Variants in LARGE1 observed in about 807,000 individuals in gnomAD.
LARGE1 encodes the protein LARGE xylosyl- and glucuronyltransferase 1.
A neutral mutation model predicts 87.6 loss-of-function variants in LARGE1; 43 were observed. The ratio of observed to expected loss-of-function variants is 0.49; its 90% CI spans 0.38 to 0.63. The LOEUF (loss-of-function observed/expected upper bound fraction) is 0.63. Among genes scored for constraint, LARGE1 ranks in the 30% least tolerant of loss-of-function variants. LARGE1 has a pLI of 0.00. For missense variants in LARGE1, 802 were observed against 1,000.2 expected, an observed-to-expected ratio of 0.80 and a Z score of 2.67; for synonymous variants, 434 against 394.6, an observed-to-expected ratio of 1.10 and a Z score of -1.18.
chr22:33,712,372 C>G (rs147312780), intron 2 of LARGE1, among the ~76,000 whole-genome samples: 2 of 152,036 alleles, frequency 1.3e-5, no homozygotes, highest in African/African-American at 2.4e-5. Flanking sequence ...CAGGCAGGCA[C>G]GAGAAGACGG....
chr22:33,160,078 G>A (rs556024146), downstream of LARGE1, among the ~76,000 whole-genome samples: 1 of 152,242 alleles, frequency 6.6e-6, no homozygotes, highest in African/African-American at 2.4e-5. Context: ...TCACATAGGG[G>A]ACACAAAGTA....
chr22:33,887,351 G>C (rs2064881643), intron 1 of LARGE1, among the ~76,000 whole-genome samples: 1 of 152,194 alleles, frequency 6.6e-6, no homozygotes, highest in African/African-American at 2.4e-5. Flanking sequence ...AAGGCCAAGA[G>C]ACAGCAGGCC....
chr22:33,506,105 T>C (rs1031549377), intron 6 of LARGE1, among the ~76,000 whole-genome samples: 1 of 152,034 alleles, frequency 6.6e-6, no homozygotes, highest in Non-Finnish European at 1.5e-5. Flanking sequence ...TGAGATTAGA[T>C]CTTCCCTGAA....
At chr22:33,394,891 A>C in intron 7 of LARGE1, among the ~76,000 whole-genome samples, 1 of 152,094 alleles carries the variant, frequency 6.6e-6, no homozygotes, top group East Asian at 1.9e-4. Context: ...CCATAAGCAG[A>C]CTGCCTCTGT....
At chr22:33,535,613 T>C (rs1361001493) in intron 6 of LARGE1, among the ~76,000 whole-genome samples, 1 of 151,948 alleles carries the variant, frequency 6.6e-6, no homozygotes, top group Non-Finnish European at 1.5e-5. Flanking sequence ...TCCCTGGCTG[T>C]ATAAACTGGA....
At chr22:33,775,624 G>A (rs2085209730) in intron 1 of LARGE1, among the ~76,000 whole-genome samples, 1 of 152,134 alleles carries the variant, frequency 6.6e-6, no homozygotes, top group South Asian at 2.1e-4. Flanking sequence ...GGCTGAAGTG[G>A]GTGGATCACC....
intron 1 of LARGE1, among the ~76,000 whole-genome samples, chr22:33,763,552 T>A (rs1038016999): frequency 2.6e-5 from 4 of 152,102 alleles, no homozygotes; most frequent in Non-Finnish European, 5.9e-5. Context: ...GTCCCGTGAA[T>A]CTCTTAGGAG....
chr22:33,074,418 T>C, the LARGE1 span, among the ~76,000 whole-genome samples: 1 of 152,196 alleles, frequency 6.6e-6, no homozygotes, highest in East Asian at 1.9e-4. Context: ...CTCACGCCTG[T>C]AATCCCAGCA....
chr22:33,701,031 G>T (rs1329231545), intron 2 of LARGE1, among the ~76,000 whole-genome samples: 3 of 152,160 alleles, frequency 2.0e-5, no homozygotes, highest in African/African-American at 7.2e-5. Flanking sequence ...TTGTTAAAAT[G>T]CGGGCTCTGA....
intron 2 of LARGE1, among the ~76,000 whole-genome samples, chr22:33,681,553 G>A (rs2081772614): frequency 1.3e-5 from 2 of 152,068 alleles, no homozygotes; most frequent in South Asian, 4.2e-4. Flanking sequence ...AACAGTACCT[G>A]GCACATGAGA....
chr22:33,203,137 G>A (rs982422122), intron 11 of LARGE1, among the ~76,000 whole-genome samples: 2 of 146,556 alleles, frequency 1.4e-5, no homozygotes, highest in African/African-American at 5.0e-5. Context: ...AAGAGAGAAT[G>A]AGAGAGAAAG....
chr22:33,127,568 G>A, the LARGE1 span, among the ~76,000 whole-genome samples: 9,030 of 152,206 alleles, frequency 0.059, 363 homozygotes, highest in Non-Finnish European at 0.087. Flanking sequence ...TTCATCTCTA[G>A]TTCTTTCTCA....
chr22:33,336,289 C>T (rs1383769386), intron 10 of LARGE1, among the ~76,000 whole-genome samples: 4 of 152,108 alleles, frequency 2.6e-5, no homozygotes, highest in African/African-American at 9.7e-5. Context: ...TAACCTCCGC[C>T]TCCCGGGTTC....
intron 6 of LARGE1, among the ~76,000 whole-genome samples, chr22:33,514,842 G>T (rs2071224451): frequency 6.6e-6 from 1 of 152,090 alleles, no homozygotes; most frequent in Non-Finnish European, 1.5e-5. Flanking sequence ...TCATTTGATA[G>T]AAGGGGACAG....
intron 6 of LARGE1, among the ~76,000 whole-genome samples, chr22:33,436,331 T>C (rs2255556): frequency 0.58 from 88,107 of 152,064 alleles, 26,712 homozygotes; most frequent in African/African-American, 0.76. Context: ...AAGCCCCTGA[T>C]AGACAGCAAG....
intron 4 of LARGE1, among the ~76,000 whole-genome samples, chr22:33,624,834 T>C (rs2079871866): frequency 6.6e-6 from 1 of 151,878 alleles, no homozygotes; most frequent in African/African-American, 2.4e-5. Context: ...CACATGAAGG[T>C]GAGAGGATAG....
intron 5 of LARGE1, among the ~76,000 whole-genome samples, chr22:33,590,806 A>G (rs1260819082): frequency 6.6e-6 from 1 of 152,200 alleles, no homozygotes; most frequent in Non-Finnish European, 1.5e-5. Flanking sequence ...TGCCACGAAT[A>G]TCCACATACA....
intron 5 of LARGE1, among the ~76,000 whole-genome samples, chr22:33,587,606 C>T (rs866420615): frequency 6.6e-5 from 10 of 152,218 alleles, no homozygotes; most frequent in Middle Eastern, 3.4e-3. Flanking sequence ...GTATTACATG[C>T]TGTATCTGTT....
At chr22:33,370,345 A>T (rs1296610940) in intron 9 of LARGE1, among the ~76,000 whole-genome samples, 1 of 152,216 alleles carries the variant, frequency 6.6e-6, no homozygotes, top group East Asian at 1.9e-4. Context: ...AGGCCACTGG[A>T]GATTTTGTTT....
Sources: allele counts gnomAD v4.1 joint callset (sites outside exome capture counted in the v4.1 genomes callset), GRCh38; gene constraint gnomAD v4.1.1; transcripts MANE v1.5; gene names NCBI Gene and HGNC (gene_info 2026-07-23, HGNC 2026-07-21).